Variants in KCNIP4 observed in about 807,000 individuals in gnomAD.
KCNIP4 encodes the protein Kv channel-interacting protein 4.
A neutral mutation model predicts 34.0 loss-of-function variants in KCNIP4; 12 were observed. That is an observed-to-expected ratio of 0.35 (90% CI 0.23 to 0.57). KCNIP4 has a LOEUF of 0.57. Among genes scored for constraint, KCNIP4 ranks in the 20% least tolerant of loss-of-function variants. The probability of loss-of-function intolerance (pLI) is 0.83; values close to 1 mark genes in which losing one functional copy is unlikely to be tolerated. For synonymous variants in KCNIP4, 124 were observed against 102.2 expected (o/e 1.21, Z -1.29); for missense variants, 238 against 311.7 (o/e 0.76, Z 1.78).
chr4:21,518,893 T>C (rs1050026240), intron 1 of KCNIP4, among the ~76,000 whole-genome samples: 7 of 152,102 alleles, frequency 4.6e-5, no homozygotes, highest in African/African-American at 1.4e-4. Flanking sequence ...TCAGTTTAAG[T>C]AACAGCTAAG....
rs368872683 is a variant in KCNIP4 at position 21,577,362 on chromosome 4, G to T, written c.61+371209C>A. 6.6e-5 allele frequency among the ~76,000 whole-genome samples: 10 copies of T among 152,186 alleles called. No individual in the cohort carries two copies. In the East Asian group the frequency reaches 1.9e-3, roughly 29 times the overall value. On this transcript the variant is annotated intron_variant, in intron 1 of 8. Coordinates refer to ENST00000382152, the MANE Select transcript of KCNIP4 (RefSeq NM_025221.6). ...ACTGCAATTCCAGCTGCGCACTGTG[G>T]CTCACCCCTGTAATCCCAGCACTTT...
chr4:21,912,780 CAG>C (rs1273655676), intron 1 of KCNIP4, among the ~76,000 whole-genome samples: 2 of 150,878 alleles, frequency 1.3e-5, no homozygotes, highest in African/African-American at 4.9e-5. Context: ...AGGTAGAAGA[CAG>C]ATCATATATT....
chr4:21,931,944 T>C (rs1178965531), intron 1 of KCNIP4, among the ~76,000 whole-genome samples: 1 of 152,118 alleles, frequency 6.6e-6, no homozygotes, highest in Non-Finnish European at 1.5e-5. Flanking sequence ...TGTCTTTAGA[T>C]GCCTGTAGGA....
intron 3 of KCNIP4, among the ~76,000 whole-genome samples, chr4:20,771,939 G>A (rs1237778623): frequency 6.6e-6 from 1 of 152,094 alleles, no homozygotes; most frequent in Non-Finnish European, 1.5e-5. Context: ...CAAAGTGCTG[G>A]GATTACAGGT....
At chr4:21,074,106 G>A (rs1180799131) in intron 1 of KCNIP4, among the ~76,000 whole-genome samples, 8 of 152,024 alleles carry the variant, frequency 5.3e-5, no homozygotes, top group Non-Finnish European at 7.4e-5. Flanking sequence ...CTCTTTTTTT[G>A]TTGTGTCTTT....
intron 1 of KCNIP4, among the ~76,000 whole-genome samples, chr4:21,451,225 G>A (rs1728483329): frequency 1.3e-5 from 2 of 152,098 alleles, no homozygotes; most frequent in African/African-American, 2.4e-5. Flanking sequence ...TGAGTAATGA[G>A]CAACGAGATC....
At chr4:21,665,697 T>C (rs1748813953) in intron 1 of KCNIP4, among the ~76,000 whole-genome samples, 2 of 152,168 alleles carry the variant, frequency 1.3e-5, no homozygotes, top group South Asian at 4.1e-4. Context: ...TATTGTGTAG[T>C]GCTGTCTGCA....
intron 1 of KCNIP4, among the ~76,000 whole-genome samples, chr4:21,762,428 T>C (rs1009090943): frequency 1.3e-5 from 2 of 152,144 alleles, no homozygotes; most frequent in Non-Finnish European, 1.5e-5. Context: ...TTTCTCATTA[T>C]GTTTTTCCCA....
chr4:21,676,553 G>A (rs1749915271), intron 1 of KCNIP4, among the ~76,000 whole-genome samples: 1 of 152,146 alleles, frequency 6.6e-6, no homozygotes, highest in African/African-American at 2.4e-5. Flanking sequence ...ATTCCTTAAA[G>A]ATTCTGTCAC....
At chr4:21,890,179 G>C (rs907708345) in intron 1 of KCNIP4, among the ~76,000 whole-genome samples, 1 of 152,102 alleles carries the variant, frequency 6.6e-6, no homozygotes, top group Non-Finnish European at 1.5e-5. Flanking sequence ...GCAAATGATA[G>C]TTAACACTGA....
At chr4:21,041,463 C>G (rs186727290) in intron 1 of KCNIP4, among the ~76,000 whole-genome samples, 3 of 152,064 alleles carry the variant, frequency 2.0e-5, no homozygotes, top group African/African-American at 7.2e-5. Context: ...AAAGTAGCCA[C>G]GTAAAACAAT....
chr4:21,830,032 C>A (rs168625), intron 1 of KCNIP4, among the ~76,000 whole-genome samples: 1 of 151,796 alleles, frequency 6.6e-6, no homozygotes, highest in African/African-American at 2.4e-5. Context: ...ATTAAATTAT[C>A]CAATCAAAGG....
rs949548104 is a variant in KCNIP4 at position 21,048,944 on chromosome 4, CT to C, written c.62-166236del. On this transcript the variant is annotated intron_variant, in intron 1 of 8. Transcript: ENST00000382152. Reference sequence around the variant, plus strand: ...AGCTCTTTCAGTACCTTCTGTTTATCTTTTTTTTTTTTTTTTTTTTTTTTGA... The same window carrying C: ...AGCTCTTTCAGTACCTTCTGTTTATCTTTTTTTTTTTTTTTTTTTTTTTGA... Among the ~76,000 whole-genome samples the C allele has an allele frequency of 6.7e-3, 641 of 96,034 alleles. 1 individual carries two copies. The highest frequency in any genetic ancestry group is 0.019 in the African/African-American group (447 of 23,764). 63.0% of individuals were successfully genotyped at this position (96,034 alleles called of 152,430 possible).
chr4:21,179,899 C>T (rs1160992260), intron 1 of KCNIP4, among the ~76,000 whole-genome samples: 2 of 152,112 alleles, frequency 1.3e-5, no homozygotes, highest in African/African-American at 4.8e-5. Flanking sequence ...TACCTCCTTC[C>T]ACTTCTTTCC....
intron 3 of KCNIP4, among the ~76,000 whole-genome samples, chr4:20,773,770 C>A (rs1394751319): frequency 6.6e-6 from 1 of 152,088 alleles, no homozygotes; most frequent in Non-Finnish European, 1.5e-5. Flanking sequence ...AAAAAATTAA[C>A]TATTTCTGGG....
At chr4:21,356,556 C>A (rs1239697734) in intron 1 of KCNIP4, among the ~76,000 whole-genome samples, 1 of 152,118 alleles carries the variant, frequency 6.6e-6, no homozygotes, top group Non-Finnish European at 1.5e-5. Flanking sequence ...TGAGTGAACT[C>A]CCATTCACAA....
intron 1 of KCNIP4, among the ~76,000 whole-genome samples, chr4:21,685,727 T>C (rs184557160): frequency 3.3e-5 from 5 of 152,370 alleles, no homozygotes; most frequent in African/African-American, 1.2e-4. Context: ...CACAAAAAAT[T>C]CGTTTATATG....
intron 1 of KCNIP4, among the ~76,000 whole-genome samples, chr4:21,685,845 C>T (rs1560627601): frequency 6.6e-6 from 1 of 152,150 alleles, no homozygotes; most frequent in Non-Finnish European, 1.5e-5. Flanking sequence ...AGGGATTGTG[C>T]TTTTACTTGA....
intron 1 of KCNIP4, among the ~76,000 whole-genome samples, chr4:21,786,143 T>G (rs995860253): frequency 3.3e-5 from 5 of 152,204 alleles, no homozygotes; most frequent in African/African-American, 1.2e-4. Flanking sequence ...GAGATGGGGT[T>G]TCACCATATT....
Sources: allele counts gnomAD v4.1 joint callset (sites outside exome capture counted in the v4.1 genomes callset), GRCh38; gene constraint gnomAD v4.1.1; transcripts MANE v1.5; gene names NCBI Gene and HGNC (gene_info 2026-07-23, HGNC 2026-07-21).